Variants in ZNF536 observed in about 807,000 individuals in gnomAD.
The protein encoded by ZNF536 is zinc finger protein 536.
ZNF536 carries 13 observed loss-of-function variants against 84.5 expected under a neutral mutation model. The ratio of observed to expected loss-of-function variants is 0.15; its 90% CI spans 0.10 to 0.24. The LOEUF is 0.24. Among genes scored for constraint, ZNF536 ranks in the 10% least tolerant of loss-of-function variants. The probability of loss-of-function intolerance (pLI) is 1.00; values close to 1 mark genes in which losing one functional copy is unlikely to be tolerated. For missense variants in ZNF536, 1,536 were observed against 1,747.5 expected, an observed-to-expected ratio of 0.88 and a Z score of 2.16; for synonymous variants, 811 against 742.5, an observed-to-expected ratio of 1.09 and a Z score of -1.50.
intron 1 of ZNF536, among the ~76,000 whole-genome samples, chr19:30,569,910 GC>G (rs989549277): frequency 6.6e-6 from 1 of 152,056 alleles, no homozygotes; most frequent in African/African-American, 2.4e-5. Flanking sequence ...ACAGCAAATA[GC>G]CCCGGGGGCT....
intron 1 of ZNF536, among the ~76,000 whole-genome samples, chr19:30,256,278 A>C (rs1028910281): frequency 2.6e-5 from 4 of 152,160 alleles, no homozygotes; most frequent in Non-Finnish European, 5.9e-5. Flanking sequence ...TGAAACATAG[A>C]TCCAAGACGT....
chr19:30,535,130 C>T (rs1198960773), intron 3 of ZNF536, 131 bp downstream of exon 3: 2 of 1,073,008 alleles, frequency 1.9e-6, no homozygotes, highest in Non-Finnish European at 2.6e-6. Flanking sequence ...GCCTGTCTAG[C>T]CACCATTGTA....
intron 1 of ZNF536, among the ~76,000 whole-genome samples, chr19:30,380,817 C>T (rs1160144810): frequency 6.6e-6 from 1 of 152,020 alleles, no homozygotes; most frequent in Admixed American, 6.6e-5. Context: ...GTGCCCGATG[C>T]GTGTTTCTTA....
intron 1 of ZNF536, among the ~76,000 whole-genome samples, chr19:30,620,121 G>A (rs965619646): frequency 6.6e-6 from 1 of 151,398 alleles, no homozygotes. Flanking sequence ...ATACATGCTG[G>A]CTGACACTCA....
At chr19:30,370,316 C>T (rs529264903), upstream of ZNF536, among the ~76,000 whole-genome samples, 5 of 152,218 alleles carry the variant, frequency 3.3e-5, no homozygotes, top group East Asian at 1.9e-4. Flanking sequence ...TGGGGTATTA[C>T]GTATTTCCCC....
chr19:30,709,309 G>T (rs1181602789), intron 1 of ZNF536, among the ~76,000 whole-genome samples: 1 of 152,044 alleles, frequency 6.6e-6, no homozygotes, highest in East Asian at 1.9e-4. Flanking sequence ...TCTTTCTCCT[G>T]GTCCCGACAA....
intron 1 of ZNF536, among the ~76,000 whole-genome samples, chr19:30,279,153 C>T (rs1480746433): frequency 2.0e-5 from 3 of 152,230 alleles, no homozygotes; most frequent in Admixed American, 6.5e-5. Flanking sequence ...GATGTTGCTT[C>T]CTTAGAGAGG....
chr19:30,545,030 A>G (rs2045486215), intron 3 of ZNF536, among the ~76,000 whole-genome samples: 1 of 152,206 alleles, frequency 6.6e-6, no homozygotes, highest in Admixed American at 6.5e-5. Flanking sequence ...CTTCCAAGGA[A>G]GGCTGCCTAC....
chr19:30,326,120 G>A (rs1006306769), intron 2 of ZNF536, among the ~76,000 whole-genome samples: 1 of 152,206 alleles, frequency 6.6e-6, no homozygotes, highest in Non-Finnish European at 1.5e-5. Flanking sequence ...AATAGTGCTG[G>A]GGTCAGATGG....
At chr19:30,398,764 G>T (rs1426280966) in intron 1 of ZNF536, among the ~76,000 whole-genome samples, 1 of 152,178 alleles carries the variant, frequency 6.6e-6, no homozygotes, top group Non-Finnish European at 1.5e-5. Context: ...TTTTATGGCT[G>T]CATAGTATTC....
intron 1 of ZNF536, among the ~76,000 whole-genome samples, chr19:30,386,928 C>T (rs1318946529): frequency 6.6e-6 from 1 of 152,248 alleles, no homozygotes; most frequent in Non-Finnish European, 1.5e-5. Flanking sequence ...CAGGGGACTG[C>T]TTCCGAGGGC....
intron 2 of ZNF536, among the ~76,000 whole-genome samples, chr19:30,287,592 AGATG>A (rs2045682541): frequency 2.5e-5 from 1 of 39,634 alleles, no homozygotes; most frequent in South Asian, 8.7e-4. Flanking sequence ...ATGGATGGAT[AGATG>A]GATGGATGGG....
chr19:30,597,747 T>C (rs1002116671), intron 1 of ZNF536, among the ~76,000 whole-genome samples: 8 of 152,198 alleles, frequency 5.3e-5, no homozygotes, highest in African/African-American at 1.9e-4. Context: ...GTTGCTATTG[T>C]GGTATGCATA....
At chr19:30,704,472 C>T (rs1237343963) in intron 1 of ZNF536, among the ~76,000 whole-genome samples, 14 of 151,794 alleles carry the variant, frequency 9.2e-5, no homozygotes, top group Non-Finnish European at 4.4e-5. Flanking sequence ...CCTGGTGAAA[C>T]CCCACCTCTA....
rs2046920783 is a variant in ZNF536 at position 30,581,513 on chromosome 19, G to A, written c.169+31999G>A. On this transcript the variant is annotated intron_variant, in intron 1 of 1. Coordinates refer to the ZNF536 transcript ENST00000592773. ...AAAAAAAAAGTTACAGTTGCTTGTG[G>A]TGGTTGAAGATTTGGCTTTGAGGAC... Among the ~76,000 whole-genome samples, 6 of 152,106 alleles carry A rather than the reference G, an allele frequency of 3.9e-5. No individual in the cohort carries two copies. In the South Asian group the frequency reaches 1.2e-3, roughly 32 times the overall value.
intron 2 of ZNF536, among the ~76,000 whole-genome samples, chr19:30,481,863 T>C (rs2054103020): frequency 6.6e-6 from 1 of 151,690 alleles, no homozygotes; most frequent in Non-Finnish European, 1.5e-5. Context: ...CGTATCATTC[T>C]TACACCTTTG....
intron 2 of ZNF536, among the ~76,000 whole-genome samples, chr19:30,297,383 A>G (rs539349803): frequency 2.4e-4 from 37 of 152,282 alleles, no homozygotes; most frequent in African/African-American, 8.7e-4. Context: ...GCTTTTTTTA[A>G]TGGCCCACGT....
intron 4 of ZNF536, 23 bp downstream of exon 4, chr19:30,549,537 T>A (rs377701924): frequency 1.6e-5 from 24 of 1,496,016 alleles, no homozygotes; most frequent in South Asian, 1.3e-4. Flanking sequence ...ATCCTCTTCC[T>A]ATAGTTCATT....
intron 2 of ZNF536, among the ~76,000 whole-genome samples, chr19:30,326,310 G>A (rs182681539): frequency 7.9e-5 from 12 of 152,334 alleles, no homozygotes; most frequent in African/African-American, 2.4e-4. Context: ...TCTGCCCCAC[G>A]GGGCGAAGAG....
Sources: gnomAD v4.1 joint callset for allele counts (sites outside exome capture counted in the v4.1 genomes callset) on GRCh38, gnomAD v4.1.1 for gene constraint, MANE v1.5 for transcripts, NCBI Gene and HGNC (gene_info 2026-07-23, HGNC 2026-07-21) for gene names.